Variants in FER1L6 observed in about 807,000 individuals in gnomAD.
The protein encoded by FER1L6 is fer-1-like protein 6.
FER1L6 carries 177 observed loss-of-function variants against 219.2 expected under a neutral mutation model. The ratio of observed to expected loss-of-function variants is 0.81; its 90% CI spans 0.71 to 0.91. FER1L6 has a LOEUF of 0.91. Among genes scored for constraint, FER1L6 ranks in the 40% least tolerant of loss-of-function variants. FER1L6 has a pLI of 0.00. For synonymous variants in FER1L6, 768 were observed against 824.3 expected (o/e 0.93, Z 1.17); for missense variants, 2,153 against 2,259.9 (o/e 0.95, Z 0.96).
At chr8:123,955,839 G>T (rs558346616) in intron 1 of FER1L6, among the ~76,000 whole-genome samples, 153 bp from the exon 2 acceptor site, 23 of 152,302 alleles carry the variant, frequency 1.5e-4, no homozygotes, top group Admixed American at 1.2e-3. Context: ...AGAGCTTGTT[G>T]GGTGCTGCTG....
chr8:124,076,876 C>A (rs1027989363), intron 32 of FER1L6, among the ~76,000 whole-genome samples: 2 of 152,192 alleles, frequency 1.3e-5, no homozygotes, highest in African/African-American at 4.8e-5. Context: ...TTTGAGGTGA[C>A]CCCTGAGGTC....
chr8:123,936,476 T>G (rs201280441), intron 1 of FER1L6, among the ~76,000 whole-genome samples: 2 of 127,268 alleles, frequency 1.6e-5, no homozygotes, highest in African/African-American at 5.4e-5. Context: ...TTTTTTTTTT[T>G]TTTTTTTTTT....
At position 124,004,997 on chromosome 8, in the gene FER1L6, C is replaced by CAA. The variant is rs1358187234; in HGVS notation, c.1700+1665_1700+1666dup. 3.7e-3 allele frequency among the ~76,000 whole-genome samples: 443 copies of CAA among 120,108 alleles called. 5 individuals carry two copies. Among genetic ancestry groups the CAA allele is most frequent in the African/African-American group, 0.011 (381 of 33,222 alleles). 78.8% of individuals were successfully genotyped at this position (120,108 alleles called of 152,430 possible). ...TGGGCGACAGTGGAAGACTCTGTCT[C>CAA]AAAAAAAAAAAAAAAATCGTCAACT... On this transcript the variant is annotated intron_variant, in intron 13 of 40. Transcript: ENST00000522917.
At position 123,956,015 on chromosome 8, in the gene FER1L6, TGAAGAA is replaced by T. The variant is rs890901057; in HGVS notation, c.23_28del (p.Lys8_Lys9del). On this transcript the variant is annotated inframe_deletion, in exon 2 of 41. Coordinates refer to ENST00000522917, the MANE Select transcript of FER1L6 (RefSeq NM_001039112.2). ...AGAAAGGGGATGTTTGGGCTGAAGG[TGAAGAA>T]GAAGAGAAATAAGGCAGAGAAGGGG... is the stretch of plus-strand genomic sequence containing the variant. 4 of 1,611,626 alleles carry T rather than the reference TGAAGAA, an allele frequency of 2.5e-6. No homozygotes were observed. The highest frequency in any genetic ancestry group is 3.3e-5 in the Admixed American group (2 of 59,746).
At chr8:123,925,212 G>T (rs928622396) in intron 1 of FER1L6, among the ~76,000 whole-genome samples, 2 of 152,226 alleles carry the variant, frequency 1.3e-5, no homozygotes, top group Non-Finnish European at 1.5e-5. Flanking sequence ...ACAGTCTAGG[G>T]TCAAAGTGGC....
At chr8:123,985,514 A>T (rs905219505) in intron 11 of FER1L6, 2 of 153,342 alleles carry the variant, frequency 1.3e-5, no homozygotes, top group Non-Finnish European at 2.9e-5. Context: ...TGGTGAGTAT[A>T]CTTGGCGAAG....
chr8:123,921,711 C>T (rs80142763), intron 1 of FER1L6, among the ~76,000 whole-genome samples: 1 of 151,910 alleles, frequency 6.6e-6, no homozygotes, highest in South Asian at 2.1e-4. Flanking sequence ...GAGGGCCAGA[C>T]ATGTCAACCG....
intron 1 of FER1L6, among the ~76,000 whole-genome samples, chr8:123,935,421 C>T (rs897054931): frequency 1.3e-5 from 2 of 152,128 alleles, no homozygotes; most frequent in Non-Finnish European, 2.9e-5. Flanking sequence ...TTGAACTAAG[C>T]GTCTAAGCTC....
At chr8:123,861,205 G>A (rs1816739287) in intron 1 of FER1L6, among the ~76,000 whole-genome samples, 1 of 127,766 alleles carries the variant, frequency 7.8e-6, no homozygotes, top group Non-Finnish European at 1.6e-5. Flanking sequence ...CGTATGGCTA[G>A]CCAGTTTTCC....
chr8:124,029,288 T>C lies in FER1L6; in HGVS notation c.2286+5692T>C, dbSNP rs146128446. On this transcript the variant is annotated intron_variant, in intron 18 of 40. Transcript: ENST00000522917. ...AGAATGATTTATAATCCTTTGGGTA[T>C]ATAGAGAGTAGTGGGATTGCTGGAT... 6.5e-3 allele frequency among the ~76,000 whole-genome samples: 993 copies of C among 152,344 alleles called. 14 individuals are homozygous for C. The highest frequency in any genetic ancestry group is 0.022 in the African/African-American group (935 of 41,564).
chr8:124,067,127 G>T (rs1044674186), intron 27 of FER1L6, among the ~76,000 whole-genome samples: 23 of 152,186 alleles, frequency 1.5e-4, no homozygotes, highest in African/African-American at 5.5e-4. Flanking sequence ...TCGGCAACTG[G>T]ATATGGTAAG....
chr8:123,918,067 T>C (rs1208992861), intron 1 of FER1L6, among the ~76,000 whole-genome samples: 2 of 152,196 alleles, frequency 1.3e-5, no homozygotes, highest in Admixed American at 6.5e-5. Flanking sequence ...CCCAGCACTT[T>C]GGGAGGCCAA....
rs74829827 is a variant in FER1L6, at chr8:123,877,040, A to G, written c.-8+24855A>G. Among the ~76,000 whole-genome samples the G allele has an allele frequency of 8.0e-3, 1,214 of 152,174 alleles. 19 individuals are homozygous for G. The highest frequency in any genetic ancestry group is 0.028 in the African/African-American group (1,172 of 41,502). On this transcript the variant is annotated intron_variant, in intron 1 of 40. Coordinates refer to ENST00000522917, the MANE Select transcript of FER1L6 (RefSeq NM_001039112.2). ...CTTCATAACTGCCTATTTGCTGTCT[A>G]GCTCCCTCCTCACCCACACTGGTCT... is the stretch of plus-strand genomic sequence containing the variant.
At chr8:123,892,931 T>C (rs1339251222) in intron 1 of FER1L6, among the ~76,000 whole-genome samples, 2 of 152,186 alleles carry the variant, frequency 1.3e-5, no homozygotes, top group Non-Finnish European at 2.9e-5. Flanking sequence ...GAGGTAGTGT[T>C]TAACTTACTT....
At chr8:124,092,836 G>C (rs1213740837) in intron 34 of FER1L6, among the ~76,000 whole-genome samples, 2 of 136,590 alleles carry the variant, frequency 1.5e-5, no homozygotes, top group African/African-American at 5.5e-5. Flanking sequence ...AAGAGAGAAA[G>C]CGGGGAAGTG....
At chr8:123,858,176 C>T (rs960971845) in intron 1 of FER1L6, among the ~76,000 whole-genome samples, 3 of 152,174 alleles carry the variant, frequency 2.0e-5, no homozygotes, top group Non-Finnish European at 4.4e-5. Flanking sequence ...ACTTTAAGAA[C>T]AATTACATAG....
rs1051213988 is a variant in FER1L6, at chr8:124,003,193, G to A, written c.1546G>A (p.Gly516Arg). The change falls in exon 13 of 41, where the codon GGA becomes AGA. Residue 516 changes from glycine to arginine, a missense_variant. Gly to Arg is a moderately radical substitution (Grantham distance 125). Coordinates refer to ENST00000522917, the MANE Select transcript of FER1L6 (RefSeq NM_001039112.2). ...TAATTTTGGAAACCTGATTGATGGA[G>A]GATCCCATCATGGGAGTAAGAAGTC... ...IGNFGNLIDGGSHHGSKKSAE... is the reference protein window; with the variant it reads ...IGNFGNLIDGRSHHGSKKSAE... 6.2e-7 allele frequency: 1 copy of A among 1,613,874 alleles called. No homozygotes were observed. The highest frequency in any genetic ancestry group is 1.3e-5 in the African/African-American group (1 of 74,906).
chr8:123,900,148 G>A (rs4870873), intron 1 of FER1L6, among the ~76,000 whole-genome samples: 34,404 of 151,860 alleles, frequency 0.23, 4,198 homozygotes, highest in East Asian at 0.43. Context: ...GTTTCCATTT[G>A]TTTGTGTGGT....
intron 39 of FER1L6, among the ~76,000 whole-genome samples, chr8:124,109,348 T>C (rs546849417): frequency 3.3e-5 from 5 of 152,300 alleles, no homozygotes; most frequent in Admixed American, 3.3e-4. Flanking sequence ...GGCACCATCT[T>C]ATCAGTTCTT....
Sources: gnomAD v4.1 joint callset for allele counts (sites outside exome capture counted in the v4.1 genomes callset) on GRCh38, gnomAD v4.1.1 for gene constraint, MANE v1.5 for transcripts, NCBI Gene and HGNC (gene_info 2026-07-23, HGNC 2026-07-21) for gene names.